CAPN14: variants seen among roughly 807,000 people sequenced by gnomAD.
The protein encoded by CAPN14 is calpain-14.
CAPN14 carries 94 observed loss-of-function variants against 101.3 expected under a neutral mutation model. The observed-to-expected ratio is 0.93, with a 90% CI of 0.79 to 1.10. The LOEUF (loss-of-function observed/expected upper bound fraction) is 1.10, where lower values mean the gene tolerates loss of function less well. CAPN14 is among the 50% of genes least tolerant of loss of function. CAPN14 has a pLI of 0.00. For synonymous variants in CAPN14, 338 were observed against 317.9 expected (o/e 1.06, Z -0.67); for missense variants, 837 against 828.4 (o/e 1.01, Z -0.13).
At chr2:31,187,612 T>C in intron 15 of CAPN14, 146 bp downstream of exon 15, 1 of 652,332 alleles carries the variant, frequency 1.5e-6, no homozygotes, top group Middle Eastern at 2.8e-4. Flanking sequence ...AGGACTTTAA[T>C]AGAAAGTGGC....
Position 31,174,437 on chromosome 2 carries a change from C to G in CAPN14, c.*244G>C, listed in dbSNP as rs1423179634. 9 of 589,524 alleles carry G rather than the reference C, an allele frequency of 1.5e-5. No individual in the cohort carries two copies. Among genetic ancestry groups the G allele is most frequent in the Non-Finnish European group, 2.7e-5 (9 of 331,422 alleles). The allele number at this position is 589,524 out of a possible 1,614,324, so 36.5% of individuals were successfully genotyped here. On this transcript the variant is annotated 3_prime_UTR_variant, in exon 22 of 22. Transcript: ENST00000403897. Reference sequence around the variant, plus strand: ...ATCTCCGCTTGTGACAAGGTTGTGGCCTCAGGGAAGGATGGCTAGCTTTTA... The same window carrying G: ...ATCTCCGCTTGTGACAAGGTTGTGGGCTCAGGGAAGGATGGCTAGCTTTTA...
chr2:31,208,400 C>G (rs1682216449), intron 1 of CAPN14, among the ~76,000 whole-genome samples: 1 of 152,152 alleles, frequency 6.6e-6, no homozygotes, highest in African/African-American at 2.4e-5. Context: ...GCTTCAGAAC[C>G]TCCCTCAGGC....
intron 13 of CAPN14, among the ~76,000 whole-genome samples, chr2:31,189,052 C>A (rs370385159): frequency 1.3e-5 from 2 of 152,186 alleles, no homozygotes; most frequent in Non-Finnish European, 2.9e-5. Flanking sequence ...TTATCTTTTT[C>A]TCTCTAATGT....
chr2:31,232,026 G>A (rs185114392), intron 1 of CAPN14, among the ~76,000 whole-genome samples: 13 of 152,242 alleles, frequency 8.5e-5, no homozygotes, highest in Non-Finnish European at 1.5e-4. Flanking sequence ...GGAGGGAGTC[G>A]GGAGATCTGA....
intron 20 of CAPN14, 73 bp downstream of exon 20, chr2:31,176,953 A>T: frequency 8.8e-7 from 1 of 1,133,526 alleles, no homozygotes; most frequent in Non-Finnish European, 1.3e-6. Context: ...CCTTGTGCTT[A>T]AACTAGGGAC....
intron 16 of CAPN14, among the ~76,000 whole-genome samples, chr2:31,181,343 C>T (rs184807777): frequency 6.6e-6 from 1 of 151,900 alleles, no homozygotes; most frequent in African/African-American, 2.4e-5. Context: ...AGCTCCCAAC[C>T]AAACTGGGGG....
chr2:31,227,922 G>A (rs1352427898), intron 1 of CAPN14, among the ~76,000 whole-genome samples: 1 of 152,210 alleles, frequency 6.6e-6, no homozygotes, highest in Non-Finnish European at 1.5e-5. Context: ...GCCTTCTTAT[G>A]GGAGAGCTGC....
chr2:31,175,554 T>G lies in CAPN14; in HGVS notation c.2029-847A>C, dbSNP rs144546738. On this transcript the variant is annotated intron_variant, in intron 21 of 21. Transcript: ENST00000403897. ...TCTCCTAGACCTGAGCCAGCCACTG[T>G]GGAAGGATTGCCTGGGATCAGGAGC... 6.9e-3 allele frequency among the ~76,000 whole-genome samples: 1,055 copies of G among 152,308 alleles called. 8 individuals are homozygous for G. The highest frequency in any genetic ancestry group is 0.014 in the East Asian group (70 of 5,180).
intron 17 of CAPN14, among the ~76,000 whole-genome samples, chr2:31,180,174 G>A (rs573674080): frequency 7.6e-6 from 1 of 131,612 alleles, no homozygotes; most frequent in Non-Finnish European, 1.5e-5. Flanking sequence ...AGGTGAGGTC[G>A]GCATTAACTC....
At chr2:31,222,983 C>T (rs541367054) in intron 2 of CAPN14, among the ~76,000 whole-genome samples, 84 of 152,278 alleles carry the variant, frequency 5.5e-4, no homozygotes, top group South Asian at 1.2e-3. Context: ...GCCAACTTTC[C>T]GCCATGTGAG....
intron 1 of CAPN14, among the ~76,000 whole-genome samples, chr2:31,211,287 G>C (rs188627224): frequency 1.3e-5 from 2 of 151,490 alleles, no homozygotes; most frequent in Admixed American, 1.3e-4. Context: ...AAATCAGAAA[G>C]CAAAAAAAAT....
chr2:31,227,199 G>C (rs140975621), intron 1 of CAPN14, among the ~76,000 whole-genome samples: 1 of 152,212 alleles, frequency 6.6e-6, no homozygotes, highest in East Asian at 1.9e-4. Context: ...GCCTCTCGTG[G>C]TGTGGGCTTT....
At chr2:31,222,729 G>T (rs1682896383) in intron 2 of CAPN14, among the ~76,000 whole-genome samples, 1 of 152,172 alleles carries the variant, frequency 6.6e-6, no homozygotes, top group Non-Finnish European at 1.5e-5. Flanking sequence ...GGTGTGATTG[G>T]TCTACAGGAT....
intron 13 of CAPN14, among the ~76,000 whole-genome samples, chr2:31,189,007 C>G (rs1429117545): frequency 6.6e-6 from 1 of 152,212 alleles, no homozygotes; most frequent in Non-Finnish European, 1.5e-5. Flanking sequence ...TCTTTCCAGA[C>G]CTTGAACTTC....
chr2:31,227,938 C>G (rs1239214478), intron 1 of CAPN14, among the ~76,000 whole-genome samples: 1 of 152,170 alleles, frequency 6.6e-6, no homozygotes, highest in Non-Finnish European at 1.5e-5. Context: ...GCTGCTGACT[C>G]AGCTCTTCAG....
chr2:31,201,830 TG>T, intron 5 of CAPN14, 31 bp downstream of exon 5: 3 of 1,545,156 alleles, frequency 1.9e-6, no homozygotes, highest in Non-Finnish European at 1.8e-6. Context: ...AAAGAAGCGA[TG>T]GGAAGGGGGA....
At chr2:31,215,688 G>A (rs1479502508) in intron 1 of CAPN14, among the ~76,000 whole-genome samples, 1 of 151,830 alleles carries the variant, frequency 6.6e-6, no homozygotes, top group Non-Finnish European at 1.5e-5. Context: ...AGAGAATGCT[G>A]GTTAACAGCC....
chr2:31,205,588 G>C, intron 1 of CAPN14, 89 bp from the exon 2 acceptor site: 1 of 719,496 alleles, frequency 1.4e-6, no homozygotes, highest in Non-Finnish European at 2.4e-6. Context: ...GGAGAGAATG[G>C]GAGCGGAGAA....
intron 21 of CAPN14, 106 bp from the exon 22 acceptor site, chr2:31,174,813 T>C: frequency 1.8e-6 from 2 of 1,081,584 alleles, no homozygotes; most frequent in South Asian, 1.4e-5. Context: ...CATTAATGGA[T>C]GGTTTAGCCA....
Sources: allele counts gnomAD v4.1 joint callset (sites outside exome capture counted in the v4.1 genomes callset), GRCh38; gene constraint gnomAD v4.1.1; transcripts MANE v1.5; gene names NCBI Gene and HGNC (gene_info 2026-07-23, HGNC 2026-07-21).